Variants in RANGAP1 observed in about 807,000 individuals in gnomAD.
RANGAP1 encodes Ran GTPase activating protein 1, also known as ran GTPase-activating protein 1.
Under a neutral mutation model 63.5 loss-of-function variants are expected in RANGAP1, and 38 were observed. That is an observed-to-expected ratio of 0.60 (90% CI 0.46 to 0.78). The LOEUF (loss-of-function observed/expected upper bound fraction) is 0.78. RANGAP1 is among the 30% of genes least tolerant of loss of function. The probability of loss-of-function intolerance (pLI) is 0.00; values close to 1 mark genes in which losing one functional copy is unlikely to be tolerated. For missense variants in RANGAP1, 630 were observed against 740.3 expected, an observed-to-expected ratio of 0.85 and a Z score of 1.73; for synonymous variants, 329 against 310.5, an observed-to-expected ratio of 1.06 and a Z score of -0.63.
chr22:41,298,849 G>C, the RANGAP1 span, among the ~76,000 whole-genome samples: 1 of 152,264 alleles, frequency 6.6e-6, no homozygotes, highest in Non-Finnish European at 1.5e-5. Flanking sequence ...CAGATACCAT[G>C]GACTGGATGG....
chr22:41,251,579 T>C (rs544912925), intron 12 of RANGAP1, among the ~76,000 whole-genome samples: 2 of 151,162 alleles, frequency 1.3e-5, no homozygotes, highest in African/African-American at 4.9e-5. Flanking sequence ...TGAGCCATGA[T>C]TGCACCACTG....
At chr22:41,296,311 G>A in the RANGAP1 span, among the ~76,000 whole-genome samples, 119 of 151,832 alleles carry the variant, frequency 7.8e-4, 1 homozygote, top group Non-Finnish European at 1.0e-3. Flanking sequence ...AGCCACCATC[G>A]AAAATAATAA....
At chr22:41,270,763 T>C (rs1464731293) in intron 3 of RANGAP1, among the ~76,000 whole-genome samples, 1 of 152,194 alleles carries the variant, frequency 6.6e-6, no homozygotes, top group Non-Finnish European at 1.5e-5. Flanking sequence ...AAGCAGACCA[T>C]GAACACACCT....
chr22:41,294,510 C>T, the RANGAP1 span, among the ~76,000 whole-genome samples: 3 of 149,014 alleles, frequency 2.0e-5, no homozygotes, highest in East Asian at 6.0e-4. Flanking sequence ...TGCCTGGCCG[C>T]CCATCGTCTG....
At chr22:41,301,425 C>A in the RANGAP1 span, 2 of 152,280 alleles carry the variant, frequency 1.3e-5, no homozygotes, top group African/African-American at 4.8e-5. Flanking sequence ...CCCACGCCCC[C>A]CGCCCTTCTC....
chr22:41,255,308 A>G (rs1243145932), intron 10 of RANGAP1, among the ~76,000 whole-genome samples: 11 of 152,150 alleles, frequency 7.2e-5, no homozygotes, highest in Admixed American at 2.6e-4. Flanking sequence ...AGCACCGAGG[A>G]GACACGACTG....
intron 1 of RANGAP1, chr22:41,281,331 C>T: frequency 1.2e-6 from 1 of 852,718 alleles, no homozygotes; most frequent in Non-Finnish European, 1.5e-6. Context: ...TACAAGTCCT[C>T]CTCTGCTAAA....
intron 10 of RANGAP1, among the ~76,000 whole-genome samples, chr22:41,255,320 G>A (rs1324643914): frequency 6.6e-6 from 1 of 152,166 alleles, no homozygotes; most frequent in African/African-American, 2.4e-5. Context: ...ACACGACTGA[G>A]TATCTGACAC....
chr22:41,250,659 C>G (rs1459455423), intron 13 of RANGAP1, among the ~76,000 whole-genome samples: 1 of 152,178 alleles, frequency 6.6e-6, no homozygotes, highest in Non-Finnish European at 1.5e-5. Flanking sequence ...ACAGAAGCTC[C>G]AAGGTGTGGA....
the RANGAP1 span, among the ~76,000 whole-genome samples, chr22:41,300,282 C>T: frequency 1.3e-5 from 2 of 151,790 alleles, no homozygotes; most frequent in Non-Finnish European, 2.9e-5. Flanking sequence ...GACCATTTGC[C>T]ATCTAGTTCA....
rs2033036033 is a variant in RANGAP1, at chr22:41,246,458, G to A, written c.*145C>T. On this transcript the variant is annotated 3_prime_UTR_variant, in exon 16 of 16. Transcript: ENST00000356244. ...GCGCCACACCCACACACATACTCAG[G>A]GGACTGACAGGACACATGGGACACA... is the stretch of plus-strand genomic sequence containing the variant. 1 of 807,096 alleles carries A rather than the reference G, an allele frequency of 1.2e-6. No individual in the cohort carries two copies. The highest frequency in any genetic ancestry group is 2.5e-5 in the Admixed American group (1 of 39,384). The allele number at this position is 807,096 out of a possible 1,614,324, so 50.0% of individuals were successfully genotyped here. A position where few individuals can be genotyped will look rare whatever the true frequency, so the allele number is the denominator to read the frequency against.
In RANGAP1 at chr22:41,245,704, C is replaced by G. The variant is rs2032985162; in HGVS notation, c.*899G>C. On this transcript the variant is annotated 3_prime_UTR_variant, in exon 16 of 16. Transcript: ENST00000356244. ...GGAAAGCATGGGGCAGTCACGGGTG[C>G]TCAGGGAGGTCATACAGCATCTGCC... is the stretch of plus-strand genomic sequence containing the variant. 6.6e-6 allele frequency: 1 copy of G among 152,442 alleles called. No homozygotes were observed. The highest frequency in any genetic ancestry group is 1.5e-5 in the Non-Finnish European group (1 of 68,218). 9.4% of individuals were successfully genotyped at this position (152,442 alleles called of 1,614,324 possible). A position where few individuals can be genotyped will look rare whatever the true frequency, so the allele number is the denominator to read the frequency against.
chr22:41,256,118 AG>A lies in RANGAP1; in HGVS notation c.989-14del, dbSNP rs1469859211. 3 of 1,613,824 alleles carry A rather than the reference AG, an allele frequency of 1.9e-6. No individual in the cohort carries two copies. In the African/African-American group the frequency reaches 4.0e-5, roughly 22 times the overall value. On this transcript the variant is annotated splice_polypyrimidine_tract_variant and intron_variant, in intron 9 of 15. Coordinates refer to ENST00000356244, the MANE Select transcript of RANGAP1 (RefSeq NM_002883.4). ...CCCAGGGTGTTGCCTGCTCAAGGGG[AG>A]GGAAGAGCAGTCAGCCGGGGTGCCA...
At chr22:41,283,613 A>G (rs1374914351) in intron 1 of RANGAP1, among the ~76,000 whole-genome samples, 1 of 152,226 alleles carries the variant, frequency 6.6e-6, no homozygotes, top group Admixed American at 6.6e-5. Flanking sequence ...TGGGCCATGC[A>G]CACATCTGGG....
chr22:41,297,869 C>G, the RANGAP1 span, among the ~76,000 whole-genome samples: 2 of 138,694 alleles, frequency 1.4e-5, no homozygotes, highest in Admixed American at 7.1e-5. Flanking sequence ...TTTTTTTTTT[C>G]TTTTTTTGAG....
chr22:41,274,573 T>G (rs1569203560), intron 3 of RANGAP1, 27 bp downstream of exon 3: 3 of 1,613,348 alleles, frequency 1.9e-6, no homozygotes, highest in Non-Finnish European at 2.5e-6. Flanking sequence ...CAAACCAGCC[T>G]GGGCCTACTC....
intron 1 of RANGAP1, among the ~76,000 whole-genome samples, chr22:41,284,604 G>A (rs2035663617): frequency 6.6e-6 from 1 of 152,114 alleles, no homozygotes; most frequent in Admixed American, 6.6e-5. Flanking sequence ...GGGTGTAATG[G>A]TTCACTCCTG....
chr22:41,258,043 C>A lies in RANGAP1; in HGVS notation c.679G>T (p.Ala227Ser). The A allele has an allele frequency of 1.2e-6, 2 of 1,613,682 alleles. No individual in the cohort carries two copies. The highest frequency in any genetic ancestry group is 1.7e-6 in the Non-Finnish European group (2 of 1,179,722). ...TTGACAGCGAAAGCCTGGGCCAGGG[C>A]AGTGATGCCAGGGTGGTTGATCCCA... ...QNGINHPGIT[A>S]LAQAFAVNPL... Residue 227 changes from alanine to serine, a missense_variant, in exon 7 of 16, where the codon GCC (alanine) becomes TCC (serine). Around this residue, in one of 3 missense-constraint regions of RANGAP1, gnomAD observed 428 missense variants for 465.5 expected, o/e 0.92. Transcript: ENST00000356244.
At chr22:41,287,768 CCT>C (rs1263144838), upstream of RANGAP1, among the ~76,000 whole-genome samples, 1 of 151,940 alleles carries the variant, frequency 6.6e-6, no homozygotes, top group East Asian at 1.9e-4. Flanking sequence ...GGGCGGATCA[CCT>C]GAGGTCAGGA....
Sources: gnomAD v4.1 joint callset for allele counts (sites outside exome capture counted in the v4.1 genomes callset) on GRCh38, gnomAD v4.1.1 for gene constraint, gnomAD v4.1.1 regional missense constraint, MANE v1.5 for transcripts, NCBI Gene and HGNC (gene_info 2026-07-23, HGNC 2026-07-21) for gene names.